Variants in ADGRD1 observed in about 807,000 individuals in gnomAD.
ADGRD1 encodes the protein adhesion G protein-coupled receptor D1.
In ADGRD1, 77 loss-of-function variants were observed where a neutral mutation model predicts 113.4. The ratio of observed to expected loss-of-function variants is 0.68; its 90% CI spans 0.57 to 0.82. The LOEUF (loss-of-function observed/expected upper bound fraction) is 0.82, where lower values mean the gene tolerates loss of function less well. Among genes scored for constraint, ADGRD1 ranks in the 40% least tolerant of loss-of-function variants. ADGRD1 has a pLI of 0.00. For synonymous variants in ADGRD1, 474 were observed against 475.0 expected, an observed-to-expected ratio of 1.00 and a Z score of 0.03; for missense variants, 1,036 against 1,139.1, an observed-to-expected ratio of 0.91 and a Z score of 1.30.
intron 6 of ADGRD1, chr12:130,990,751 G>T: frequency 2.9e-6 from 1 of 349,048 alleles, no homozygotes; most frequent in Non-Finnish European, 5.2e-6. Flanking sequence ...ATCATCTTTT[G>T]ATATGCTGAC....
chr12:131,131,577 G>T, intron 20 of ADGRD1, 148 bp from the exon 21 acceptor site: 2 of 614,824 alleles, frequency 3.3e-6, no homozygotes, highest in East Asian at 2.9e-5. Flanking sequence ...ACGGAACAGG[G>T]TGAGATTTGT....
intron 11 of ADGRD1, among the ~76,000 whole-genome samples, chr12:131,004,511 G>A (rs1281751939): frequency 1.3e-5 from 2 of 152,036 alleles, no homozygotes; most frequent in African/African-American, 2.4e-5. Flanking sequence ...TCATGGACAC[G>A]CTTGAGAGGT....
chr12:131,069,519 G>C (rs559509549), intron 13 of ADGRD1: 1 of 152,506 alleles, frequency 6.6e-6, no homozygotes, highest in African/African-American at 2.4e-5. Flanking sequence ...CAGGCGCAGG[G>C]CAGGTCCGTG....
rs1435967949 is a variant in ADGRD1, at chr12:131,054,132, C to A, written c.1474-22669C>A. 2.0e-5 allele frequency among the ~76,000 whole-genome samples: 3 copies of A among 152,322 alleles called. No individual in the cohort carries two copies. The East Asian group carries it at 5.8e-4, about 29-fold the overall frequency. On this transcript the variant is annotated intron_variant, in intron 13 of 24. Transcript: ENST00000261654. The stretch of plus-strand genomic sequence containing the variant: ...AATAAAAAAAACAAAAACACACTTA[C>A]TGAGGTGTAACTGGCAAAAAAATAA...
chr12:131,101,373 C>CTTTTTTTT (rs796951608), intron 15 of ADGRD1, among the ~76,000 whole-genome samples: 5 of 79,354 alleles, frequency 6.3e-5, no homozygotes, highest in East Asian at 3.0e-4. Flanking sequence ...CTTTTTCTTT[C>CTTTTTTTT]TTTCTTTTTT....
intron 15 of ADGRD1, among the ~76,000 whole-genome samples, chr12:131,099,503 T>C (rs1468194463): frequency 2.6e-5 from 4 of 152,244 alleles, no homozygotes; most frequent in African/African-American, 9.6e-5. Flanking sequence ...CAGTCCACTC[T>C]GTGGACTTGA....
Position 130,971,969 on chromosome 12 carries a change from G to A in ADGRD1, c.310+389G>A, listed in dbSNP as rs1343621287. ...GATTTCTGGCTCTGGGATGTTGACGGTGAGCGGGCAGGGCATACCCAAGAA... is the reference window on the plus strand; with the variant it reads ...GATTTCTGGCTCTGGGATGTTGACGATGAGCGGGCAGGGCATACCCAAGAA... On this transcript the variant is annotated intron_variant, in intron 4 of 24. Coordinates refer to ENST00000261654, the MANE Select transcript of ADGRD1 (RefSeq NM_198827.5). The surrounding 1 kb of genome is among the most constrained non-coding windows in gnomAD (Gnocchi z 4.2). 6.6e-6 allele frequency among the ~76,000 whole-genome samples: 1 copy of A among 152,194 alleles called. No individual in the cohort carries two copies. Among genetic ancestry groups the A allele is most frequent in the East Asian group, 1.9e-4 (1 of 5,192 alleles).
At chr12:131,017,206 T>G (rs1878663879) in intron 13 of ADGRD1, among the ~76,000 whole-genome samples, 1 of 149,808 alleles carries the variant, frequency 6.7e-6, no homozygotes, top group Admixed American at 6.6e-5. Context: ...TACACACACA[T>G]GCACATGCAC....
chr12:131,013,478 C>A (rs893190474), intron 12 of ADGRD1, among the ~76,000 whole-genome samples: 7 of 152,136 alleles, frequency 4.6e-5, no homozygotes, highest in Admixed American at 2.0e-4. Flanking sequence ...ATTCTCCCCC[C>A]ACCTCGCCTT....
At chr12:131,139,082 G>A in intron 24 of ADGRD1, 86 bp from the exon 25 acceptor site, 2 of 977,028 alleles carry the variant, frequency 2.0e-6, no homozygotes, top group South Asian at 2.9e-5. Context: ...GGGCAGCTAT[G>A]GGCCCAATGC....
intron 18 of ADGRD1, among the ~76,000 whole-genome samples, chr12:131,111,863 A>G (rs951068133): frequency 6.6e-6 from 1 of 152,088 alleles, no homozygotes; most frequent in Non-Finnish European, 1.5e-5. Context: ...TGACAGTTTC[A>G]TTTAGTTCTT....
chr12:131,004,930 G>A (rs1876895434), intron 11 of ADGRD1, among the ~76,000 whole-genome samples: 1 of 152,238 alleles, frequency 6.6e-6, no homozygotes, highest in Non-Finnish European at 1.5e-5. Context: ...ATATGACTCT[G>A]CAGACATCTC....
intron 8 of ADGRD1, among the ~76,000 whole-genome samples, 172 bp from the exon 9 acceptor site, chr12:131,000,211 G>T (rs1424738159): frequency 6.6e-6 from 1 of 152,196 alleles, no homozygotes. Context: ...TCCATAAAAG[G>T]GCTTCGTAAC....
rs550349656 is a variant in ADGRD1, at chr12:131,096,994, G to A, written c.1672-7837G>A. ...ACGTGGCTTTTTGGGCAGTGGCCAC[G>A]CCTCTGCTGTGGCTGCAGCCCTGCT... On this transcript the variant is annotated intron_variant, in intron 15 of 24. Transcript: ENST00000261654. This position sits in a 1 kb window ranked among gnomAD's most constrained non-coding sequence, Gnocchi z 5.2. Among the ~76,000 whole-genome samples, 3 of 152,272 alleles carry A rather than the reference G, an allele frequency of 2.0e-5. No homozygotes were observed. The highest frequency in any genetic ancestry group is 7.2e-5 in the African/African-American group (3 of 41,554).
chr12:130,990,166 T>C (rs1874203235), intron 6 of ADGRD1: 1 of 152,170 alleles, frequency 6.6e-6, no homozygotes, highest in African/African-American at 2.4e-5. Context: ...CACTCTGACT[T>C]GGAGAACAGA....
intron 3 of ADGRD1, chr12:130,968,879 C>A: frequency 2.9e-6 from 2 of 692,876 alleles, no homozygotes; most frequent in Non-Finnish European, 5.0e-6. Flanking sequence ...ATGAAAGAGC[C>A]CCTCCTGGTG....
intron 9 of ADGRD1, chr12:131,002,474 C>T (rs753076166): frequency 1.0e-6 from 1 of 980,082 alleles, no homozygotes; most frequent in Non-Finnish European, 1.2e-6. Flanking sequence ...ATGCTGAGGA[C>T]TTAGCAGCAG....
At chr12:130,986,297 C>A (rs1873664023) in intron 5 of ADGRD1, among the ~76,000 whole-genome samples, 1 of 152,126 alleles carries the variant, frequency 6.6e-6, no homozygotes, top group Non-Finnish European at 1.5e-5. Flanking sequence ...AATATCTCTC[C>A]ATTTATTTAG....
At chr12:130,955,050 C>G (rs1869368905) in intron 2 of ADGRD1, among the ~76,000 whole-genome samples, 1 of 151,272 alleles carries the variant, frequency 6.6e-6, no homozygotes, top group South Asian at 2.1e-4. Flanking sequence ...ACCTCTGCCT[C>G]CCGGGTTCAA....
Sources: gnomAD v4.1 joint callset for allele counts (sites outside exome capture counted in the v4.1 genomes callset) on GRCh38, gnomAD v4.1.1 for gene constraint, Gnocchi (gnomAD v3.1) non-coding constraint, MANE v1.5 for transcripts, NCBI Gene and HGNC (gene_info 2026-07-23, HGNC 2026-07-21) for gene names.